SLC44A2: variants seen among roughly 807,000 people sequenced by gnomAD.
SLC44A2 encodes solute carrier family 44 member 2 (CTL2 blood group).
A neutral mutation model predicts 90.8 loss-of-function variants in SLC44A2; 57 were observed. That is an observed-to-expected ratio of 0.63 (90% CI 0.51 to 0.78). The LOEUF (loss-of-function observed/expected upper bound fraction) is 0.78, where lower values mean the gene tolerates loss of function less well. Among genes scored for constraint, SLC44A2 ranks in the 30% least tolerant of loss-of-function variants. The probability of loss-of-function intolerance (pLI) is 0.00; values close to 1 mark genes in which losing one functional copy is unlikely to be tolerated. For synonymous variants in SLC44A2, 355 were observed against 360.7 expected (o/e 0.98, Z 0.18); for missense variants, 794 against 919.7 (o/e 0.86, Z 1.77).
intron 1 of SLC44A2, among the ~76,000 whole-genome samples, chr19:10,619,831 T>G (rs2144827398): frequency 6.6e-6 from 1 of 152,222 alleles, no homozygotes; most frequent in South Asian, 2.1e-4. Context: ...GGCGTGCACC[T>G]GTAGTCCCAG....
At position 10,636,401 on chromosome 19, in the gene SLC44A2, T is replaced by G; in HGVS notation, c.1312T>G (p.Tyr438Asp). The stretch of plus-strand genomic sequence containing the variant: ...CGCCTTCTACGGTGGTGAGTCGGGC[T>G]ACCACCGGGCCCTGCTGGGCCTGCA... ...QFAFYGGESG[Y>D]HRALLGLQIF... is the part of the protein sequence containing the mutation. Residue 438 changes from tyrosine to aspartate, a missense_variant, in exon 15 of 22, where the codon TAC (tyrosine) becomes GAC (aspartate). By Grantham distance (160) the Tyr-to-Asp change is radical (BLOSUM62 -3). This residue lies in a region of SLC44A2 where 738 missense variants were observed against 841.1 expected (regional missense o/e 0.88). Transcript: ENST00000335757. 1 of 1,613,936 alleles carries G rather than the reference T, an allele frequency of 6.2e-7. No individual in the cohort carries two copies. The highest frequency in any genetic ancestry group is 2.2e-5 in the East Asian group (1 of 44,862).
intron 4 of SLC44A2, among the ~76,000 whole-genome samples, chr19:10,629,203 C>CA (rs750866963): frequency 0.01 from 1,169 of 115,470 alleles, 16 homozygotes; most frequent in Middle Eastern, 0.046. Context: ...GACTCCATCT[C>CA]AAAAAAAAAA....
Position 10,643,533 on chromosome 19 carries a change from C to T in SLC44A2, c.*148C>T, listed in dbSNP as rs548579530. 103 of 944,900 alleles carry T rather than the reference C, an allele frequency of 1.1e-4. No individual in the cohort carries two copies. The highest frequency in any genetic ancestry group is 7.9e-5 in the Non-Finnish European group (52 of 658,952). The allele number at this position is 944,900 out of a possible 1,614,324, so 58.5% of individuals were successfully genotyped here. ...GAGCCAGATCCCACCAGTTTCTGGACGTGGAGAGTCTGGGGCATCTCCTTC... is the reference window on the plus strand; with the variant it reads ...GAGCCAGATCCCACCAGTTTCTGGATGTGGAGAGTCTGGGGCATCTCCTTC... On this transcript the variant is annotated 3_prime_UTR_variant, in exon 22 of 22. Coordinates refer to ENST00000335757, the MANE Select transcript of SLC44A2 (RefSeq NM_020428.4).
chr19:10,641,093 G>GA (rs571498102), intron 20 of SLC44A2: 207,087 of 366,252 alleles, frequency 0.57, 44,492 homozygotes, highest in African/African-American at 0.79. Context: ...TCTCAGGAGG[G>GA]AAAAAAAAAA....
At chr19:10,603,416 C>A (rs1918016769) in intron 1 of SLC44A2, among the ~76,000 whole-genome samples, 2 of 152,148 alleles carry the variant, frequency 1.3e-5, no homozygotes, top group Admixed American at 1.3e-4. Context: ...ACCCTGGGGG[C>A]AAAGAAGCAC....
chr19:10,626,333 C>A (rs373553500), intron 2 of SLC44A2, 32 bp downstream of exon 2: 5 of 1,505,706 alleles, frequency 3.3e-6, no homozygotes, highest in Non-Finnish European at 4.6e-6. Context: ...GGGTTCTCCC[C>A]GCTAATACTA....
intron 7 of SLC44A2, 35 bp downstream of exon 7, chr19:10,631,570 A>T: frequency 6.2e-7 from 1 of 1,614,010 alleles, no homozygotes; most frequent in Non-Finnish European, 8.5e-7. Flanking sequence ...TCAGGTGGTG[A>T]CGGGGAGGCT....
Position 10,636,570 on chromosome 19 carries a change from T to G in SLC44A2, c.1481T>G (p.Phe494Cys). ...DLPAFPLFSA[F>C]GRALRYHTGS... ...CCGGCCTTCCCGCTCTTCTCTGCCTTTGGCCGGGCGCTCAGGTGGGCTGGC... is the reference window on the plus strand; with the variant it reads ...CCGGCCTTCCCGCTCTTCTCTGCCTGTGGCCGGGCGCTCAGGTGGGCTGGC... The change falls in exon 15 of 22, where the codon TTT (phenylalanine) becomes TGT (cysteine). Residue 494 changes from phenylalanine to cysteine, a missense_variant. Coordinates refer to ENST00000335757, the MANE Select transcript of SLC44A2 (RefSeq NM_020428.4). 4 of 1,605,474 alleles carry G rather than the reference T, an allele frequency of 2.5e-6. No homozygotes were observed. Among genetic ancestry groups the G allele is most frequent in the Non-Finnish European group, 3.4e-6 (4 of 1,177,292 alleles).
intron 20 of SLC44A2, 121 bp from the exon 21 acceptor site, chr19:10,642,246 C>A: frequency 1.3e-6 from 1 of 773,408 alleles, no homozygotes; most frequent in Non-Finnish European, 2.2e-6. Flanking sequence ...TGGGATGTCA[C>A]TAATCCAAAG....
intron 2 of SLC44A2, 72 bp from the exon 3 acceptor site, chr19:10,627,650 T>C (rs1439414250): frequency 1.1e-5 from 17 of 1,526,718 alleles, no homozygotes; most frequent in Non-Finnish European, 1.5e-5. Context: ...TGAGGGTGTT[T>C]GCAGAGGGCA....
At chr19:10,616,348 AG>A (rs1254948247) in intron 1 of SLC44A2, among the ~76,000 whole-genome samples, 3 of 151,986 alleles carry the variant, frequency 2.0e-5, no homozygotes, top group Admixed American at 2.0e-4. Context: ...CTCTCACCTC[AG>A]GCTCGCAAGT....
chr19:10,628,448 C>A (rs1158020788), intron 4 of SLC44A2, among the ~76,000 whole-genome samples: 2 of 152,098 alleles, frequency 1.3e-5, no homozygotes, highest in East Asian at 3.9e-4. Flanking sequence ...AGCTACCCAG[C>A]AGGCTGAGGT....
rs532735525 is a variant in SLC44A2 at position 10,643,019 on chromosome 19, A to C, written c.2015-260A>C. ...GAAGCGGGCAGAAGCCGAGGAGTAG[A>C]GAGTGAGGGAGACTGGCGTGGGGGC... is the stretch of plus-strand genomic sequence containing the variant. On this transcript the variant is annotated intron_variant, in intron 21 of 21. Coordinates refer to ENST00000335757, the MANE Select transcript of SLC44A2 (RefSeq NM_020428.4). 2.0e-6 allele frequency: 3 copies of C among 1,530,508 alleles called. No individual in the cohort carries two copies. The South Asian group carries it at 3.7e-5, about 19-fold the overall frequency. The allele number at this position is 1,530,508 out of a possible 1,614,324, so 94.8% of individuals were successfully genotyped here.
intron 4 of SLC44A2, among the ~76,000 whole-genome samples, chr19:10,630,100 A>G (rs2066977867): frequency 6.6e-6 from 1 of 152,180 alleles, no homozygotes; most frequent in Non-Finnish European, 1.5e-5. Flanking sequence ...ACGGTGGCTC[A>G]CGCCTGTAAT....
chr19:10,644,111 T>G lies in SLC44A2; in HGVS notation c.*726T>G, dbSNP rs2067145278. ...GGAGAGGAGATGGCTAATAGCTGTT[T>G]AATGGAAACCTGCTGGGCTGGAGGG... is the stretch of plus-strand genomic sequence containing the variant. On this transcript the variant is annotated 3_prime_UTR_variant, in exon 22 of 22. Transcript: ENST00000335757. The G allele has an allele frequency of 6.6e-6, 1 of 152,470 alleles. No individual in the cohort carries two copies. The highest frequency in any genetic ancestry group is 1.5e-5 in the Non-Finnish European group (1 of 68,072). The allele number at this position is 152,470 out of a possible 1,614,324, so 9.4% of individuals were successfully genotyped here. A position where few individuals can be genotyped will look rare whatever the true frequency, so the allele number is the denominator to read the frequency against.
intron 1 of SLC44A2, among the ~76,000 whole-genome samples, chr19:10,613,228 A>T (rs959924704): frequency 6.7e-6 from 1 of 149,382 alleles, no homozygotes; most frequent in African/African-American, 2.5e-5. Flanking sequence ...CAGATAATAT[A>T]GTTATTTTTT....
chr19:10,612,603 C>G (rs140071220), intron 1 of SLC44A2, among the ~76,000 whole-genome samples: 47 of 152,312 alleles, frequency 3.1e-4, no homozygotes, highest in African/African-American at 1.1e-3. Context: ...GCTGGCTGTA[C>G]GGGTGAGGCC....
chr19:10,617,167 GC>G (rs764374613), intron 1 of SLC44A2, among the ~76,000 whole-genome samples: 23 of 50,528 alleles, frequency 4.6e-4, no homozygotes, highest in Admixed American at 6.6e-4. Flanking sequence ...TGATCCGCCC[GC>G]CTGGGGCTCC....
At chr19:10,639,773 C>T (rs943650783) in intron 20 of SLC44A2, among the ~76,000 whole-genome samples, 27 of 151,816 alleles carry the variant, frequency 1.8e-4, no homozygotes, top group African/African-American at 4.1e-4. Flanking sequence ...CCCAGCTACT[C>T]GGGAGGCTGA....
Sources: gnomAD v4.1 joint callset for allele counts (sites outside exome capture counted in the v4.1 genomes callset) on GRCh38, gnomAD v4.1.1 for gene constraint, gnomAD v4.1.1 regional missense constraint, MANE v1.5 for transcripts, NCBI Gene and HGNC (gene_info 2026-07-23, HGNC 2026-07-21) for gene names.